The following AKAP6 variants were observed in gnomAD, a reference collection of about 807,000 sequenced individuals.
AKAP6 encodes A-kinase anchoring protein 6.
A neutral mutation model predicts 188.5 loss-of-function variants in AKAP6; 58 were observed. The ratio of observed to expected loss-of-function variants is 0.31; its 90% confidence interval spans 0.25 to 0.38. The LOEUF (loss-of-function observed/expected upper bound fraction) is 0.38, where lower values mean the gene tolerates loss of function less well. Among genes scored for constraint, AKAP6 ranks in the 10% least tolerant of loss-of-function variants. The pLI, the probability that AKAP6 is intolerant of heterozygous loss-of-function variation, is 1.00. For synonymous variants in AKAP6, 989 were observed against 998.6 expected, an observed-to-expected ratio of 0.99 and a Z score of 0.18; for missense variants, 2,710 against 2,740.0, an observed-to-expected ratio of 0.99 and a Z score of 0.24.
intron 2 of AKAP6, among the ~76,000 whole-genome samples, chr14:32,449,893 T>C (rs772736970): frequency 6.6e-6 from 1 of 152,214 alleles, no homozygotes; most frequent in Non-Finnish European, 1.5e-5. Context: ...CTGAGAGCAA[T>C]AAAAGCTTGA....
At chr14:32,559,015 A>C (rs2139200326) in intron 4 of AKAP6, among the ~76,000 whole-genome samples, 1 of 152,292 alleles carries the variant, frequency 6.6e-6, no homozygotes, top group Middle Eastern at 3.4e-3. Context: ...TTGTTAGAGG[A>C]AGGTGAATGT....
At chr14:32,355,886 C>T (rs887450534) in intron 1 of AKAP6, among the ~76,000 whole-genome samples, 1 of 151,898 alleles carries the variant, frequency 6.6e-6, no homozygotes, top group African/African-American at 2.4e-5. Context: ...GTGATCCTCC[C>T]ACCTCAACCT....
At chr14:32,587,262 A>G (rs767519194) in intron 5 of AKAP6, among the ~76,000 whole-genome samples, 2 of 152,016 alleles carry the variant, frequency 1.3e-5, no homozygotes, top group Non-Finnish European at 2.9e-5. Context: ...CTTTCTATAT[A>G]TTAAGGAAAT....
chr14:32,778,711 A>ATTTT lies in AKAP6; in HGVS notation c.3588+4831_3588+4834dup, dbSNP rs61493362. 2.4e-4 allele frequency among the ~76,000 whole-genome samples: 33 copies of ATTTT among 135,914 alleles called. 1 individual carries two copies. The highest frequency in any genetic ancestry group is 3.6e-4 in the Non-Finnish European group (23 of 64,516). The allele number at this position is 135,914 out of a possible 152,430, so 89.2% of individuals were successfully genotyped here. A position where few individuals can be genotyped will look rare whatever the true frequency, so the allele number is the denominator to read the frequency against. On this transcript the variant is annotated intron_variant, in intron 12 of 13. Transcript: ENST00000280979. ...CAGGAGCATGCCAGCATACCCAGCA[A>ATTTT]TTTTTTTTTTTTTTTTGGAGAGATG...
intron 1 of AKAP6, among the ~76,000 whole-genome samples, chr14:32,366,757 A>C (rs1376081025): frequency 6.6e-6 from 1 of 152,070 alleles, no homozygotes; most frequent in African/African-American, 2.4e-5. Context: ...TATGGTCATC[A>C]AAGCTGTAAA....
In AKAP6 at chr14:32,522,846, A is replaced by G. The variant is rs182198877; in HGVS notation, c.325-12708A>G. ...CCAGCCATCCCATTACTGGGTATAT[A>G]CCCAAAGGATTATAAAGACACATGC... is the stretch of plus-strand genomic sequence containing the variant. On this transcript the variant is annotated intron_variant, in intron 2 of 13. Transcript: ENST00000280979. 4.7e-3 allele frequency among the ~76,000 whole-genome samples: 715 copies of G among 152,362 alleles called. 2 individuals carry two copies. Among genetic ancestry groups the G allele is most frequent in the East Asian group, 9.1e-3 (47 of 5,190 alleles).
chr14:32,571,229 A>G (rs1180555598), intron 4 of AKAP6, among the ~76,000 whole-genome samples: 3 of 149,102 alleles, frequency 2.0e-5, no homozygotes, highest in African/African-American at 7.6e-5. Flanking sequence ...TTTTTTTTTA[A>G]TATAGTGAAA....
intron 11 of AKAP6, among the ~76,000 whole-genome samples, chr14:32,743,569 T>C (rs962781116): frequency 6.6e-6 from 1 of 152,188 alleles, no homozygotes; most frequent in Non-Finnish European, 1.5e-5. Context: ...CCATGAGGCT[T>C]GGAAATACTA....
At chr14:32,347,703 T>A (rs1429161894) in intron 1 of AKAP6, among the ~76,000 whole-genome samples, 2 of 152,228 alleles carry the variant, frequency 1.3e-5, no homozygotes, top group African/African-American at 4.8e-5. Context: ...GTAATACCAA[T>A]GCCCCTGACT....
intron 12 of AKAP6, among the ~76,000 whole-genome samples, chr14:32,774,165 A>T (rs189102897): frequency 6.6e-6 from 1 of 152,296 alleles, no homozygotes; most frequent in African/African-American, 2.4e-5. Flanking sequence ...TTTGAAAAAA[A>T]TCACATGGAG....
chr14:32,569,672 T>C (rs752483456), intron 4 of AKAP6, among the ~76,000 whole-genome samples: 17 of 152,212 alleles, frequency 1.1e-4, no homozygotes, highest in Non-Finnish European at 2.5e-4. Context: ...CGGAAGATTA[T>C]ATATGTTGGT....
At chr14:32,500,006 T>A (rs1186189736) in intron 2 of AKAP6, among the ~76,000 whole-genome samples, 1 of 152,152 alleles carries the variant, frequency 6.6e-6, no homozygotes, top group Non-Finnish European at 1.5e-5. Context: ...TATATTTAGC[T>A]CTTATCTATA....
In AKAP6 at chr14:32,821,419, T is replaced by A; in HGVS notation, c.3606T>A (p.Ile1202=). ...MGKESETLNV[I]DPGLMDLNGM... ...TCACACAGGAGACTTTGAATGTGAT[T>A]GATCCTGGCTTGATGGACCTAAATG... The change falls in exon 13 of 14, where the codon ATT becomes ATA. Residue 1202 remains isoleucine, a synonymous_variant. Transcript: ENST00000280979. 1 of 1,607,704 alleles carries A rather than the reference T, an allele frequency of 6.2e-7. No individual in the cohort carries two copies. The highest frequency in any genetic ancestry group is 8.5e-7 in the Non-Finnish European group (1 of 1,176,436).
At chr14:32,476,700 T>A (rs1387948328) in intron 2 of AKAP6, among the ~76,000 whole-genome samples, 1 of 152,186 alleles carries the variant, frequency 6.6e-6, no homozygotes, top group Non-Finnish European at 1.5e-5. Context: ...CAAACTAAAC[T>A]GGGATCCCCT....
chr14:32,807,993 G>A (rs2034133310), intron 12 of AKAP6, among the ~76,000 whole-genome samples: 1 of 152,234 alleles, frequency 6.6e-6, no homozygotes, highest in Admixed American at 6.5e-5. Flanking sequence ...CATTTCAAGA[G>A]CAGTTTTGCA....
At chr14:32,432,168 A>T (rs1890247822) in intron 1 of AKAP6, among the ~76,000 whole-genome samples, 1 of 152,188 alleles carries the variant, frequency 6.6e-6, no homozygotes, top group East Asian at 1.9e-4. Context: ...CTTTGGGGAA[A>T]TAACAATATA....
chr14:32,821,160 T>C (rs1264621087), intron 12 of AKAP6, among the ~76,000 whole-genome samples: 2 of 152,224 alleles, frequency 1.3e-5, no homozygotes, highest in East Asian at 3.8e-4. Flanking sequence ...TTGACAATAA[T>C]AATCTTACAT....
intron 2 of AKAP6, among the ~76,000 whole-genome samples, chr14:32,442,860 C>A (rs1890628195): frequency 6.6e-6 from 1 of 152,074 alleles, no homozygotes; most frequent in African/African-American, 2.4e-5. Context: ...ATGCTGCTAC[C>A]TTGCCCACTC....
chr14:32,404,991 G>T (rs1370434350), intron 1 of AKAP6, among the ~76,000 whole-genome samples: 1 of 151,448 alleles, frequency 6.6e-6, no homozygotes, highest in Admixed American at 6.6e-5. Context: ...TGTGGGGAGG[G>T]CCCCTGATGA....
Sources: gnomAD v4.1 joint callset for allele counts (sites outside exome capture counted in the v4.1 genomes callset) on GRCh38, gnomAD v4.1.1 for gene constraint, MANE v1.5 for transcripts, NCBI Gene and HGNC (gene_info 2026-07-23, HGNC 2026-07-21) for gene names.